The following IL1RAPL2 variants were observed in gnomAD, a reference collection of about 807,000 sequenced individuals.
IL1RAPL2 encodes the protein X-linked interleukin-1 receptor accessory protein-like 2.
Under a neutral mutation model 44.1 loss-of-function variants are expected in IL1RAPL2, and 3 were observed. The observed-to-expected ratio is 0.07, with a 90% CI of 0.03 to 0.18. The LOEUF (loss-of-function observed/expected upper bound fraction) is 0.18, where lower values mean the gene tolerates loss of function less well. IL1RAPL2 is among the 10% of genes least tolerant of loss of function. The pLI is 1.00. For missense variants in IL1RAPL2, 391 were observed against 496.4 expected (o/e 0.79, Z 2.02); for synonymous variants, 181 against 178.8 (o/e 1.01, Z -0.10).
intron 2 of IL1RAPL2, among the ~76,000 whole-genome samples, chrX:104,862,741 T>C (rs1922526220): frequency 8.9e-6 from 1 of 112,221 alleles, no homozygotes; most frequent in Non-Finnish European, 1.9e-5. Context: ...TTAAAATAAA[T>C]AAATAAAAAC....
chrX:105,485,103 G>A (rs1197125773), intron 6 of IL1RAPL2, among the ~76,000 whole-genome samples: 4 of 111,427 alleles, frequency 3.6e-5, no homozygotes, highest in African/African-American at 1.3e-4. Context: ...ATCTGTCTTG[G>A]ATTTCATTCT....
chrX:105,269,363 A>G (rs1290324908), intron 5 of IL1RAPL2, among the ~76,000 whole-genome samples: 1 of 110,433 alleles, frequency 9.1e-6, no homozygotes, highest in Non-Finnish European at 1.9e-5. Flanking sequence ...AAAATTCTAA[A>G]TGTTAGCACA....
At chrX:105,122,260 A>T (rs56667836) in intron 2 of IL1RAPL2, among the ~76,000 whole-genome samples, 270 of 111,879 alleles carry the variant, frequency 2.4e-3, no homozygotes, top group African/African-American at 8.5e-3. Context: ...TGAACAAATA[A>T]CACAAGTTCT....
chrX:104,777,808 G>A (rs1932744724), intron 2 of IL1RAPL2, among the ~76,000 whole-genome samples: 2 of 109,625 alleles, frequency 1.8e-5, no homozygotes, highest in Admixed American at 9.8e-5. Flanking sequence ...CCTCAAACTC[G>A]TGGCCTCAAG....
intron 5 of IL1RAPL2, among the ~76,000 whole-genome samples, chrX:105,323,989 T>C (rs1206309285): frequency 1.8e-5 from 2 of 111,534 alleles, no homozygotes; most frequent in East Asian, 2.8e-4. Flanking sequence ...GTGTAGGAAC[T>C]GTAACAAAAA....
At chrX:105,344,303 G>T (rs2035094085) in intron 5 of IL1RAPL2, among the ~76,000 whole-genome samples, 2 of 111,768 alleles carry the variant, frequency 1.8e-5, no homozygotes, top group Non-Finnish European at 3.8e-5. Context: ...GGCTTTAGAG[G>T]CAGACTCCTG....
chrX:105,151,732 G>T lies in IL1RAPL2; in HGVS notation c.83-43743G>T, dbSNP rs185422395. On this transcript the variant is annotated intron_variant, in intron 2 of 10. Coordinates refer to ENST00000372582, the MANE Select transcript of IL1RAPL2 (RefSeq NM_017416.2). ...GCTTTCAGTTTTCATTAGAAAGTGG[G>T]CAATATGCAAATGCCCATCAATCAA... 6.2e-4 allele frequency among the ~76,000 whole-genome samples: 68 copies of T among 109,636 alleles called. 1 individual carries two copies. The highest frequency in any genetic ancestry group is 2.2e-3 in the African/African-American group (67 of 30,090).
chrX:105,247,761 T>G (rs2034234268), intron 4 of IL1RAPL2, among the ~76,000 whole-genome samples: 1 of 109,482 alleles, frequency 9.1e-6, no homozygotes, highest in Non-Finnish European at 1.9e-5. Flanking sequence ...TAATGCTAAC[T>G]GTTAAATACT....
At chrX:104,940,947 A>G (rs1011794846) in intron 2 of IL1RAPL2, among the ~76,000 whole-genome samples, 4 of 95,024 alleles carry the variant, frequency 4.2e-5, no homozygotes, top group Non-Finnish European at 6.1e-5. Flanking sequence ...TCATTGTTCA[A>G]TTCCCACCTA....
chrX:104,576,509 T>C (rs1041112563), intron 1 of IL1RAPL2, among the ~76,000 whole-genome samples: 2 of 111,730 alleles, frequency 1.8e-5, no homozygotes, highest in African/African-American at 6.5e-5. Context: ...TACCATAGGA[T>C]ATATCATTTA....
intron 2 of IL1RAPL2, among the ~76,000 whole-genome samples, chrX:104,966,171 C>T (rs767768272): frequency 9.0e-6 from 1 of 111,007 alleles, no homozygotes; most frequent in South Asian, 3.8e-4. Context: ...CCTCCATCTC[C>T]AAATGAAGTG....
intron 2 of IL1RAPL2, among the ~76,000 whole-genome samples, chrX:104,838,654 T>C (rs1395162591): frequency 9.1e-6 from 1 of 110,211 alleles, no homozygotes. Context: ...AAATATACAA[T>C]CATGTCATCA....
At chrX:105,721,595 C>T (rs1232107493) in intron 7 of IL1RAPL2, among the ~76,000 whole-genome samples, 2 of 111,519 alleles carry the variant, frequency 1.8e-5, no homozygotes, top group Non-Finnish European at 3.8e-5. Flanking sequence ...GGCACTGCTA[C>T]TCTCTCCAGC....
chrX:105,109,105 G>A lies in IL1RAPL2; in HGVS notation c.83-86370G>A, dbSNP rs932423132. Among the ~76,000 whole-genome samples, 5 of 111,658 alleles carry A rather than the reference G, an allele frequency of 4.5e-5. No homozygotes were observed. In the East Asian group the frequency reaches 1.4e-3, roughly 31 times the overall value. ...TTCCACCAGGAAGCCTTGCCTCCAG[G>A]CTAGCTTAGTCTACCTGTTTTGTGT... On this transcript the variant is annotated intron_variant, in intron 2 of 10. Coordinates refer to ENST00000372582, the MANE Select transcript of IL1RAPL2 (RefSeq NM_017416.2).
intron 2 of IL1RAPL2, among the ~76,000 whole-genome samples, chrX:104,890,063 C>T (rs1365698929): frequency 1.1e-4 from 12 of 111,044 alleles, no homozygotes; most frequent in Non-Finnish European, 2.3e-4. Flanking sequence ...GGTTTTTTGT[C>T]CTTGCGATAG....
chrX:105,749,121 G>T lies in IL1RAPL2; in HGVS notation c.1192+18G>T. The stretch of plus-strand genomic sequence containing the variant: ...TAATGATGGTAAGCTGTCTTCTATT[G>T]TTCAAATTCCATTAAACGGCATGCA... On this transcript the variant is annotated intron_variant, in intron 9 of 10. Coordinates refer to ENST00000372582, the MANE Select transcript of IL1RAPL2 (RefSeq NM_017416.2). 8.4e-7 allele frequency: 1 copy of T among 1,189,826 alleles called. No homozygotes were observed. The highest frequency in any genetic ancestry group is 1.1e-6 in the Non-Finnish European group (1 of 881,890).
At chrX:105,415,732 C>T (rs1316913333) in intron 5 of IL1RAPL2, among the ~76,000 whole-genome samples, 2 of 111,038 alleles carry the variant, frequency 1.8e-5, no homozygotes, top group Non-Finnish European at 3.8e-5. Flanking sequence ...TTTTAATAGC[C>T]CAAAAGCCTT....
chrX:105,645,048 A>G (rs1232577803), intron 6 of IL1RAPL2, among the ~76,000 whole-genome samples: 2 of 111,572 alleles, frequency 1.8e-5, no homozygotes, highest in African/African-American at 6.5e-5. Context: ...TGCTATTGTG[A>G]ACAGTGCCTC....
chrX:105,177,064 C>T (rs1306110023), intron 2 of IL1RAPL2, among the ~76,000 whole-genome samples: 1 of 111,001 alleles, frequency 9.0e-6, no homozygotes, highest in Non-Finnish European at 1.9e-5. Flanking sequence ...TGGCCTGGTA[C>T]CAGTCTGTGT....
Sources: allele counts gnomAD v4.1 joint callset (sites outside exome capture counted in the v4.1 genomes callset), GRCh38; gene constraint gnomAD v4.1.1; transcripts MANE v1.5; gene names NCBI Gene and HGNC (gene_info 2026-07-23, HGNC 2026-07-21).